Variants in EMID1 observed in about 807,000 individuals in gnomAD.
EMID1 encodes EMI domain-containing protein 1.
EMID1 carries 40 observed loss-of-function variants against 60.6 expected under a neutral mutation model. That is an observed-to-expected ratio of 0.66 (90% CI 0.51 to 0.86). The LOEUF (loss-of-function observed/expected upper bound fraction) is 0.86. Among genes scored for constraint, EMID1 ranks in the 40% least tolerant of loss-of-function variants. The pLI is 0.00. For missense variants in EMID1, 585 were observed against 597.1 expected (o/e 0.98, Z 0.21); for synonymous variants, 242 against 231.0 (o/e 1.05, Z -0.43).
intron 13 of EMID1, among the ~76,000 whole-genome samples, chr22:29,248,793 A>G (rs1037541818): frequency 2.8e-5 from 4 of 140,556 alleles, no homozygotes; most frequent in African/African-American, 1.1e-4. Context: ...GTAATACGAG[A>G]TCACGCCACT....
intron 13 of EMID1, among the ~76,000 whole-genome samples, chr22:29,248,130 T>C (rs995539235): frequency 4.6e-5 from 7 of 151,406 alleles, no homozygotes; most frequent in African/African-American, 1.5e-4. Context: ...TTTTTTTGTA[T>C]TTTTAGTAGA....
At chr22:29,240,409 T>C (rs562764383) in intron 12 of EMID1, among the ~76,000 whole-genome samples, 4 of 152,108 alleles carry the variant, frequency 2.6e-5, no homozygotes, top group Non-Finnish European at 5.9e-5. Context: ...TCTTGGAACA[T>C]GTCTGGGGTC....
intron 1 of EMID1, among the ~76,000 whole-genome samples, chr22:29,212,826 A>G (rs918831479): frequency 6.6e-6 from 1 of 152,310 alleles, no homozygotes; most frequent in Middle Eastern, 3.4e-3. Flanking sequence ...CGGCCTGCCA[A>G]AGTGGTGGGA....
intron 3 of EMID1, among the ~76,000 whole-genome samples, chr22:29,218,993 A>G (rs1334419894): frequency 6.6e-6 from 1 of 152,178 alleles, no homozygotes; most frequent in Admixed American, 6.5e-5. Context: ...ACAAGGAGAA[A>G]GAAAGCTGCC....
At position 29,231,118 on chromosome 22, in the gene EMID1, C is replaced by T. The variant is rs2040724068; in HGVS notation, c.564C>T (p.Ser188=). ...PLWGPPPAQG[S]PGDGGLQDQV... is the part of the protein sequence containing the mutation. ...GGGGTCCCCCTCCTGCCCAGGGCAG[C>T]CCCGGAGATGGAGGCCTCCAGGGTG... is the stretch of plus-strand genomic sequence containing the variant. The change falls in exon 6 of 15, where the codon AGC becomes AGT. Residue 188 remains serine (S), a synonymous_variant. Coordinates refer to ENST00000334018, the MANE Select transcript of EMID1 (RefSeq NM_133455.4). 6.8e-6 allele frequency: 11 copies of T among 1,608,532 alleles called. No individual in the cohort carries two copies. The highest frequency in any genetic ancestry group is 9.3e-6 in the Non-Finnish European group (11 of 1,177,764).
intron 1 of EMID1, among the ~76,000 whole-genome samples, chr22:29,214,576 C>T (rs1253459761): frequency 6.6e-6 from 1 of 152,160 alleles, no homozygotes; most frequent in East Asian, 1.9e-4. Flanking sequence ...CAGGCAAGAG[C>T]CAGGCAGTGA....
chr22:29,237,805 AAAAC>A (rs1292991136), intron 12 of EMID1, among the ~76,000 whole-genome samples: 1 of 143,250 alleles, frequency 7.0e-6, no homozygotes, highest in Non-Finnish European at 1.5e-5. Context: ...CGTTTCAAAA[AAAAC>A]AAACAAAAAA....
intron 13 of EMID1, among the ~76,000 whole-genome samples, chr22:29,249,459 G>T (rs1314027067): frequency 2.0e-5 from 3 of 152,090 alleles, no homozygotes; most frequent in Non-Finnish European, 2.9e-5. Context: ...TTTTAGTAAA[G>T]ACAGGGTTTC....
intron 3 of EMID1, among the ~76,000 whole-genome samples, chr22:29,222,655 C>T (rs1035993155): frequency 5.9e-5 from 9 of 152,010 alleles, no homozygotes; most frequent in African/African-American, 9.7e-5. Context: ...CCACCCTCCT[C>T]GGCTTCCCAA....
chr22:29,258,710 A>T (rs2041798115), intron 14 of EMID1, 107 bp from the exon 15 acceptor site: 1 of 1,483,260 alleles, frequency 6.7e-7, no homozygotes, highest in South Asian at 1.3e-5. Context: ...GGTGGATTAT[A>T]CCTGGCAGAG....
chr22:29,215,812 C>A (rs1353204633), intron 3 of EMID1, among the ~76,000 whole-genome samples, 182 bp downstream of exon 3: 1 of 152,132 alleles, frequency 6.6e-6, no homozygotes, highest in Admixed American at 6.5e-5. Context: ...CCCACGGTGA[C>A]CGCTTGCCTC....
intron 14 of EMID1, 93 bp downstream of exon 14, chr22:29,254,380 C>G (rs1405336255): frequency 7.1e-6 from 9 of 1,264,618 alleles, no homozygotes; most frequent in Middle Eastern, 3.7e-4. Flanking sequence ...TGAGCCCAGT[C>G]ATGAGGCTGG....
chr22:29,259,276 C>T lies in EMID1; in HGVS notation c.*332C>T, dbSNP rs547437378. ...ACTGAGGGAGTCAGGAGCTGGGGCT[C>T]GGCACATGCAGAGATGACAGGGCAG... On this transcript the variant is annotated 3_prime_UTR_variant, in exon 15 of 15. Transcript: ENST00000334018. 2.1e-5 allele frequency: 7 copies of T among 331,840 alleles called. No individual in the cohort carries two copies. The highest frequency in any genetic ancestry group is 6.5e-5 in the South Asian group (2 of 30,698). 20.6% of individuals were successfully genotyped at this position (331,840 alleles called of 1,614,324 possible).
chr22:29,234,368 C>A lies in EMID1; in HGVS notation c.1074+19C>A. 6.2e-7 allele frequency: 1 copy of A among 1,611,974 alleles called. No homozygotes were observed. Among genetic ancestry groups the A allele is most frequent in the Non-Finnish European group, 8.5e-7 (1 of 1,179,372 alleles). ...GCAGCGGGTAAGTGTTGCTGTCTGT[C>A]CCGCATTCATCCCTGCAGGATCCCT... On this transcript the variant is annotated intron_variant, in intron 12 of 14. Coordinates refer to ENST00000334018, the MANE Select transcript of EMID1 (RefSeq NM_133455.4).
At chr22:29,231,973 G>A in intron 7 of EMID1, 1 of 587,204 alleles carries the variant, frequency 1.7e-6, no homozygotes, top group Non-Finnish European at 3.0e-6. Context: ...CTGGGAGCAG[G>A]GCTGGGCAGA....
intron 11 of EMID1, 25 bp downstream of exon 11, chr22:29,234,224 G>A: frequency 6.2e-7 from 1 of 1,608,758 alleles, no homozygotes; most frequent in Non-Finnish European, 8.5e-7. Flanking sequence ...GGCCCCAGGT[G>A]GGGGAATTCT....
At position 29,259,301 on chromosome 22, in the gene EMID1, G is replaced by C. The variant is rs2058077204; in HGVS notation, c.*357G>C. 3 of 271,904 alleles carry C rather than the reference G, an allele frequency of 1.1e-5. No homozygotes were observed. The highest frequency in any genetic ancestry group is 4.3e-5 in the South Asian group (1 of 23,314). The allele number at this position is 271,904 out of a possible 1,614,324, so 16.8% of individuals were successfully genotyped here. A position where few individuals can be genotyped will look rare whatever the true frequency, so the allele number is the denominator to read the frequency against. On this transcript the variant is annotated 3_prime_UTR_variant, in exon 15 of 15. Transcript: ENST00000334018. ...CGGCACATGCAGAGATGACAGGGCA[G>C]GGGGCAGTCTTCCTCCCCCTCCCCG...
intron 13 of EMID1, among the ~76,000 whole-genome samples, chr22:29,247,812 G>C (rs59168121): frequency 6.6e-6 from 1 of 151,848 alleles, no homozygotes; most frequent in Non-Finnish European, 1.5e-5. Flanking sequence ...TGTATTTTTA[G>C]TAGAGACGGG....
chr22:29,220,358 G>A (rs1164791924), intron 3 of EMID1, among the ~76,000 whole-genome samples: 1 of 152,198 alleles, frequency 6.6e-6, no homozygotes, highest in Non-Finnish European at 1.5e-5. Flanking sequence ...AGGCCAGGCC[G>A]GACATAGACT....
Sources: gnomAD v4.1 joint callset for allele counts (sites outside exome capture counted in the v4.1 genomes callset) on GRCh38, gnomAD v4.1.1 for gene constraint, MANE v1.5 for transcripts, NCBI Gene and HGNC (gene_info 2026-07-23, HGNC 2026-07-21) for gene names.